The following SEC61A1 variants were observed in gnomAD, a reference collection of about 807,000 sequenced individuals.
The protein encoded by SEC61A1 is protein transport protein Sec61 subunit alpha isoform 1.
Under a neutral mutation model 55.2 loss-of-function variants are expected in SEC61A1, and 15 were observed. The observed-to-expected ratio is 0.27, with a 90% CI of 0.18 to 0.42. The LOEUF (loss-of-function observed/expected upper bound fraction) is 0.42. SEC61A1 is among the 10% of genes least tolerant of loss of function. SEC61A1 has a pLI of 1.00. For missense variants in SEC61A1, 284 were observed against 602.6 expected (o/e 0.47, Z 5.53); for synonymous variants, 247 against 234.0 (o/e 1.06, Z -0.51).
chr3:128,060,736 A>T, intron 7 of SEC61A1, 75 bp downstream of exon 7: 1 of 1,415,228 alleles, frequency 7.1e-7, no homozygotes, highest in Non-Finnish European at 9.6e-7. Context: ...AGAAGACAAA[A>T]ATCCCCCCAT....
At chr3:128,064,512 T>A (rs1941903237) in intron 7 of SEC61A1, among the ~76,000 whole-genome samples, 1 of 152,092 alleles carries the variant, frequency 6.6e-6, no homozygotes, top group Non-Finnish European at 1.5e-5. Flanking sequence ...CCAGGCGTGG[T>A]AGCATGCCTA....
At position 128,067,679 on chromosome 3, in the gene SEC61A1, T is replaced by G. The variant is rs903122072; in HGVS notation, c.1167+67T>G. On this transcript the variant is annotated intron_variant, in intron 10 of 11. Transcript: ENST00000243253. This position sits in a 1 kb window ranked among gnomAD's most constrained non-coding sequence, Gnocchi z 4.1. The stretch of plus-strand genomic sequence containing the variant: ...GACTGGTATAAGGGGTGTGGACTTG[T>G]CACCTCATCATAAATAATGGTCTGT... 8.1e-6 allele frequency: 10 copies of G among 1,238,876 alleles called. No individual in the cohort carries two copies. The highest frequency in any genetic ancestry group is 1.4e-5 in the South Asian group (1 of 72,366). The allele number at this position is 1,238,876 out of a possible 1,614,324, so 76.7% of individuals were successfully genotyped here.
intron 5 of SEC61A1, among the ~76,000 whole-genome samples, chr3:128,057,824 CACTCAA>C: frequency 1.5e-5 from 1 of 65,424 alleles, no homozygotes; most frequent in African/African-American, 6.4e-5. Context: ...AAAGCCATTG[CACTCAA>C]ACATGGGGGA....
intron 7 of SEC61A1, 39 bp from the exon 8 acceptor site, chr3:128,064,838 T>C (rs1201874594): frequency 6.5e-7 from 1 of 1,529,086 alleles, no homozygotes; most frequent in East Asian, 2.3e-5. Context: ...TTGAGTTGCC[T>C]GTTCGTTCCT....
intron 8 of SEC61A1, 146 bp downstream of exon 8, chr3:128,065,183 A>G (rs1282333378): frequency 8.6e-6 from 8 of 930,000 alleles, no homozygotes; most frequent in Non-Finnish European, 1.2e-5. Flanking sequence ...GCAGGTTTCC[A>G]GATGAGCTGG....
intron 2 of SEC61A1, 97 bp downstream of exon 2, chr3:128,052,999 G>A (rs556512363): frequency 5.7e-6 from 5 of 870,160 alleles, no homozygotes; most frequent in South Asian, 1.5e-5. Flanking sequence ...CACGGCAATG[G>A]AAACTCTCCC....
intron 5 of SEC61A1, among the ~76,000 whole-genome samples, chr3:128,058,038 A>G (rs1941798547): frequency 6.6e-6 from 1 of 152,070 alleles, no homozygotes; most frequent in Admixed American, 6.6e-5. Context: ...ACTAGTAACA[A>G]TTACTAGTCA....
chr3:128,053,636 T>TC (rs1941724759), intron 2 of SEC61A1, among the ~76,000 whole-genome samples: 1 of 152,256 alleles, frequency 6.6e-6, no homozygotes, highest in African/African-American at 2.4e-5. Flanking sequence ...GAATCCACTT[T>TC]CATTTTTTTA....
rs771570260 is a variant in SEC61A1, at chr3:128,052,909, A to T, written c.75+7A>T. On this transcript the variant is annotated splice_region_variant and intron_variant, in intron 2 of 11. Transcript: ENST00000243253. ...TCAGAAGCCAGAGAGGAAGGTAAGT[A>T]CCCCAAATCGCCAACAAAGAAGGTT... 1.9e-6 allele frequency: 3 copies of T among 1,607,958 alleles called. No individual in the cohort carries two copies. In the Admixed American group the frequency reaches 5.1e-5, roughly 27 times the overall value.
At chr3:128,052,049 G>A (rs985374489), upstream of SEC61A1, 2 of 702,294 alleles carry the variant, frequency 2.8e-6, no homozygotes, top group African/African-American at 3.5e-5. Flanking sequence ...AGAGCAGTGA[G>A]TGCTGTTACG....
chr3:128,067,875 A>G lies in SEC61A1; in HGVS notation c.1168-108A>G. On this transcript the variant is annotated intron_variant, in intron 10 of 11. Coordinates refer to ENST00000243253, the MANE Select transcript of SEC61A1 (RefSeq NM_013336.4). The surrounding 1 kb of genome is among the most constrained non-coding windows in gnomAD (Gnocchi z 4.1). ...GGCAGTTTTAAAGTTCTCTGTATGA[A>G]TATTGTCAGTGCTCGAAGAGGCGAT... 1.1e-6 allele frequency: 1 copy of G among 880,028 alleles called. No homozygotes were observed. Among genetic ancestry groups the G allele is most frequent in the Admixed American group, 1.9e-5 (1 of 51,296 alleles). The allele number at this position is 880,028 out of a possible 1,614,324, so 54.5% of individuals were successfully genotyped here. A position where few individuals can be genotyped will look rare whatever the true frequency, so the allele number is the denominator to read the frequency against.
chr3:128,051,970 G>A (rs1372580880), upstream of SEC61A1: 16 of 1,302,482 alleles, frequency 1.2e-5, no homozygotes, highest in Admixed American at 4.0e-5. Context: ...ACTAGGTGAC[G>A]GGCGCCGCGG....
chr3:128,069,447 C>A (rs1375154869), intron 11 of SEC61A1, 29 bp from the exon 12 acceptor site: 1 of 1,600,006 alleles, frequency 6.2e-7, no homozygotes, highest in Non-Finnish European at 8.5e-7. Flanking sequence ...CTGTGGGTGT[C>A]CAGGAGCTGA....
Position 128,066,992 on chromosome 3 carries a change from C to T in SEC61A1, c.816C>T (p.Tyr272=), listed in dbSNP as rs1303473497. 4 of 1,614,088 alleles carry T rather than the reference C, an allele frequency of 2.5e-6. No individual in the cohort carries two copies. Among genetic ancestry groups the T allele is most frequent in the Admixed American group, 3.3e-5 (2 of 60,006 alleles). Residue 272 remains tyrosine, a synonymous_variant, in exon 9 of 12, where the codon TAC becomes TAT. Transcript: ENST00000243253. ...RVDLPIKSAR[Y]RGQYNTYPIK... ...ACCTGCCAATCAAGTCGGCCCGCTA[C>T]CGTGGCCAGTACAACACCTATCCCA... is the stretch of plus-strand genomic sequence containing the variant.
intron 11 of SEC61A1, 146 bp from the exon 12 acceptor site, chr3:128,069,330 G>A (rs192162457): frequency 1.2e-5 from 9 of 760,920 alleles, no homozygotes; most frequent in South Asian, 5.3e-5. Context: ...GGCCTAGAGC[G>A]CTAGCATGTT....
rs368868832 is a variant in SEC61A1 at position 128,060,488 on chromosome 3, G to C, written c.463-20G>C. ...GTGGGGAGCAGTAACACATAGTCTT[G>C]TATTTTTGAATTTTTACAGCTCTTT... On this transcript the variant is annotated intron_variant, in intron 6 of 11. Coordinates refer to ENST00000243253, the MANE Select transcript of SEC61A1 (RefSeq NM_013336.4). 10 of 1,613,462 alleles carry C rather than the reference G, an allele frequency of 6.2e-6. No homozygotes were observed. The highest frequency in any genetic ancestry group is 2.2e-5 in the East Asian group (1 of 44,888).
At chr3:128,056,585 A>G (rs935119513) in intron 4 of SEC61A1, 124 bp from the exon 5 acceptor site, 1 of 797,206 alleles carries the variant, frequency 1.3e-6, no homozygotes, top group African/African-American at 1.7e-5. Context: ...AAACACAGCT[A>G]GGAAACTGAA....
chr3:128,058,720 T>G (rs554308576), intron 5 of SEC61A1, among the ~76,000 whole-genome samples: 1 of 151,972 alleles, frequency 6.6e-6, no homozygotes, highest in Non-Finnish European at 1.5e-5. Flanking sequence ...AACAACAAAT[T>G]AGCCAAGTGT....
At chr3:128,054,960 T>G (rs932203731) in intron 2 of SEC61A1, among the ~76,000 whole-genome samples, 1 of 152,354 alleles carries the variant, frequency 6.6e-6, no homozygotes, top group East Asian at 1.9e-4. Flanking sequence ...ACTAGTAGGT[T>G]AAACATGCAA....
Sources: allele counts gnomAD v4.1 joint callset (sites outside exome capture counted in the v4.1 genomes callset), GRCh38; gene constraint gnomAD v4.1.1; non-coding constraint Gnocchi (gnomAD v3.1); transcripts MANE v1.5; gene names NCBI Gene and HGNC (gene_info 2026-07-23, HGNC 2026-07-21).